The following CRYZ variants were observed in gnomAD, a reference collection of about 807,000 sequenced individuals.
CRYZ encodes the protein crystallin zeta.
In CRYZ, 35 loss-of-function variants were observed where a neutral mutation model predicts 34.1. That is an observed-to-expected ratio of 1.03 (90% CI 0.78 to 1.36). CRYZ has a LOEUF of 1.36. Among genes scored for constraint, CRYZ ranks in the 40% most tolerant of loss-of-function variants. The pLI is 0.00. For synonymous variants in CRYZ, 137 were observed against 136.5 expected, an observed-to-expected ratio of 1.00 and a Z score of -0.03; for missense variants, 403 against 391.8, an observed-to-expected ratio of 1.03 and a Z score of -0.24.
At chr1:74,709,169 A>C (rs1569970326) in intron 6 of CRYZ, among the ~76,000 whole-genome samples, 1 of 152,176 alleles carries the variant, frequency 6.6e-6, no homozygotes, top group Non-Finnish European at 1.5e-5. Context: ...AGTAAGATAA[A>C]GGTTAAGAGA....
chr1:74,720,992 T>C (rs1213722722), intron 3 of CRYZ, among the ~76,000 whole-genome samples: 1 of 152,094 alleles, frequency 6.6e-6, no homozygotes, highest in Non-Finnish European at 1.5e-5. Flanking sequence ...AGGACTAGCT[T>C]TATCGAGAAG....
At chr1:74,719,172 T>C (rs1647118530) in intron 4 of CRYZ, 37 bp downstream of exon 4, 6 of 1,602,354 alleles carry the variant, frequency 3.7e-6, no homozygotes, top group African/African-American at 1.3e-5. Flanking sequence ...TACCCTCTTT[T>C]GGCATTGGCC....
chr1:74,711,735 G>A (rs1363776922), intron 5 of CRYZ, among the ~76,000 whole-genome samples: 6 of 152,084 alleles, frequency 3.9e-5, no homozygotes, highest in Admixed American at 2.0e-4. Flanking sequence ...TCTGGGCAAC[G>A]GAGCAAGACC....
intron 4 of CRYZ, among the ~76,000 whole-genome samples, chr1:74,716,193 TGC>T (rs144844253): frequency 1.2e-3 from 170 of 146,374 alleles, no homozygotes; most frequent in Middle Eastern, 3.4e-3. Flanking sequence ...TCAATCTGTG[TGC>T]GCGTGTGTGT....
At chr1:74,732,615 GTGCAGCGTGGGGCT>G (rs1570039270) in intron 1 of CRYZ, among the ~76,000 whole-genome samples, 29 of 34,534 alleles carry the variant, frequency 8.4e-4, no homozygotes, top group Non-Finnish European at 1.3e-3. Flanking sequence ...GGGGGGGGGG[GTGCAGCGTGGGGCT>G]GGGGGACAGG....
chr1:74,712,983 T>C (rs1020183288), intron 5 of CRYZ, among the ~76,000 whole-genome samples: 7 of 152,208 alleles, frequency 4.6e-5, no homozygotes, highest in Non-Finnish European at 1.0e-4. Flanking sequence ...GCTGTGTTCA[T>C]AAATTCCACA....
chr1:74,723,353 G>A (rs1647199467), intron 2 of CRYZ, 83 bp from the exon 3 acceptor site: 7 of 1,353,202 alleles, frequency 5.2e-6, no homozygotes, highest in Admixed American at 5.0e-5. Flanking sequence ...GATTATGGGA[G>A]CTATCAAAAT....
chr1:74,709,964 C>T (rs955149489), intron 6 of CRYZ, 134 bp downstream of exon 6: 18 of 653,296 alleles, frequency 2.8e-5, no homozygotes, highest in Admixed American at 6.0e-5. Flanking sequence ...TTTTAAAACA[C>T]GCATAAAAAT....
At chr1:74,719,500 A>AT (rs60522431) in intron 3 of CRYZ, 128 bp from the exon 4 acceptor site, 41,505 of 634,906 alleles carry the variant, frequency 0.065, no homozygotes, top group East Asian at 0.087. Flanking sequence ...CATATAAATA[A>AT]TTTTTTTTTT....
In CRYZ at chr1:74,706,388, C is replaced by G. The variant is rs374694701; in HGVS notation, c.898G>C (p.Gly300Arg). 3 of 1,612,578 alleles carry G rather than the reference C, an allele frequency of 1.9e-6. No homozygotes were observed. Among genetic ancestry groups the G allele is most frequent in the African/African-American group, 1.3e-5 (1 of 74,954 alleles). The change falls in exon 9 of 9, where the codon GGT (glycine) becomes CGT (arginine). Residue 300 changes from glycine to arginine, a missense_variant. Physicochemically the swap from Gly to Arg is moderately radical, Grantham distance 125. Coordinates refer to ENST00000340866, the MANE Select transcript of CRYZ (RefSeq NM_001889.4). The part of the protein sequence containing the change: ...MEIGWLKPVI[G>R]SQYPLEKVAE... Reference sequence around the variant, plus strand: ...ACCTTCTCCAATGGATATTGAGAACCTATCACAGGTTTCAACCAGCCAATT... The same window carrying G: ...ACCTTCTCCAATGGATATTGAGAACGTATCACAGGTTTCAACCAGCCAATT...
intron 7 of CRYZ, 52 bp downstream of exon 7, chr1:74,707,051 T>A: frequency 3.2e-6 from 5 of 1,560,728 alleles, no homozygotes; most frequent in Non-Finnish European, 4.4e-6. Flanking sequence ...AGTGTTAAAT[T>A]GTGGTAAAAC....
chr1:74,708,999 A>T (rs549374907), intron 6 of CRYZ, among the ~76,000 whole-genome samples: 1 of 152,318 alleles, frequency 6.6e-6, no homozygotes, highest in South Asian at 2.1e-4. Context: ...GAAGACCAGC[A>T]GACTGTTAAT....
Position 74,723,108 on chromosome 1 carries a change from A to T in CRYZ, c.264+10T>A. On this transcript the variant is annotated intron_variant, in intron 3 of 8. Coordinates refer to ENST00000340866, the MANE Select transcript of CRYZ (RefSeq NM_001889.4). ...TTCAGCCAAAATAGAAATAATTAAA[A>T]ATGCAATACCTTGAAAGCAGATGCA... The T allele has an allele frequency of 1.2e-6, 2 of 1,602,750 alleles. No homozygotes were observed. The highest frequency in any genetic ancestry group is 8.5e-7 in the Non-Finnish European group (1 of 1,177,238).
At chr1:74,709,409 G>A (rs2100693421) in intron 6 of CRYZ, among the ~76,000 whole-genome samples, 1 of 151,966 alleles carries the variant, frequency 6.6e-6, no homozygotes, top group South Asian at 2.1e-4. Flanking sequence ...CAAGATGATT[G>A]CAAAAAAGGT....
Position 74,719,286 on chromosome 1 carries a change from T to C in CRYZ, c.351A>G (p.Leu117=), listed in dbSNP as rs754914441. 1.7e-5 allele frequency: 27 copies of C among 1,613,862 alleles called. 1 individual carries two copies. Among genetic ancestry groups the C allele is most frequent in the Non-Finnish European group, 2.3e-5 (27 of 1,179,776 alleles). Reference sequence around the variant, plus strand: ...CTTGTTTAAAGTCCAGTTTTTCAGGTAGTTTGTAAACAGTGTGGTCTGCTG... The same window carrying C: ...CTTGTTTAAAGTCCAGTTTTTCAGGCAGTTTGTAAACAGTGTGGTCTGCTG... The part of the protein sequence containing the change: ...ALAADHTVYK[L]PEKLDFKQGA... Residue 117 remains leucine, a synonymous_variant, in exon 4 of 9, where the codon CTA becomes CTG. Transcript: ENST00000340866.
At chr1:74,732,405 T>C (rs536186957) in intron 1 of CRYZ, among the ~76,000 whole-genome samples, 59 of 147,636 alleles carry the variant, frequency 4.0e-4, no homozygotes, top group Non-Finnish European at 6.4e-4. Flanking sequence ...ACAGCTGGGC[T>C]GTGCGAAGGG....
At chr1:74,714,684 C>A (rs368335432) in intron 4 of CRYZ, 54 bp from the exon 5 acceptor site, 25 of 1,588,026 alleles carry the variant, frequency 1.6e-5, no homozygotes, top group Non-Finnish European at 2.2e-5. Flanking sequence ...TAATTAATCT[C>A]GGGTGTTTTC....
chr1:74,718,956 A>G (rs1464126361), intron 4 of CRYZ, among the ~76,000 whole-genome samples: 1 of 152,146 alleles, frequency 6.6e-6, no homozygotes, highest in Non-Finnish European at 1.5e-5. Context: ...CACATTATAT[A>G]TAAATATGAT....
chr1:74,717,923 C>T (rs1426942612), intron 4 of CRYZ, among the ~76,000 whole-genome samples: 1 of 150,776 alleles, frequency 6.6e-6, no homozygotes, highest in Non-Finnish European at 1.5e-5. Context: ...ATTTCAACCA[C>T]TTTTCACCTT....
Sources: gnomAD v4.1 joint callset for allele counts (sites outside exome capture counted in the v4.1 genomes callset) on GRCh38, gnomAD v4.1.1 for gene constraint, MANE v1.5 for transcripts, NCBI Gene and HGNC (gene_info 2026-07-23, HGNC 2026-07-21) for gene names.